Variants in APC observed in about 807,000 individuals in gnomAD.
APC encodes APC regulator of Wnt signaling pathway.
A neutral mutation model predicts 247.0 loss-of-function variants in APC; 72 were observed. The observed-to-expected ratio is 0.29, with a 90% CI of 0.24 to 0.35. APC has a LOEUF of 0.35. Among genes scored for constraint, APC ranks in the 10% least tolerant of loss-of-function variants. The pLI is 1.00. For synonymous variants in APC, 1,254 were observed against 1,162.5 expected (o/e 1.08, Z -1.60); for missense variants, 3,400 against 3,360.7 (o/e 1.01, Z -0.29).
rs2149630931 is a variant in APC at position 112,707,798 on chromosome 5, C to T, written c.81C>T (p.Thr27=). 2 of 1,370,636 alleles carry T rather than the reference C, an allele frequency of 1.5e-6. No homozygotes were observed. The highest frequency in any genetic ancestry group is 1.2e-5 in the South Asian group (1 of 81,728). 84.9% of individuals were successfully genotyped at this position (1,370,636 alleles called of 1,614,324 possible). A position where few individuals can be genotyped will look rare whatever the true frequency, so the allele number is the denominator to read the frequency against. ...CCTCAGTTCTCGGGTCCTGGAGCAC[C>T]GGCGGCAGCAGGAGCTGCGTCCGGC... The change falls in exon 1 of 14, where the codon ACC becomes ACT. Residue 27 remains threonine (T), a synonymous_variant. Coordinates refer to the APC transcript ENST00000507379.
intron 4 of APC, among the ~76,000 whole-genome samples, chr5:112,774,290 A>G (rs935050734): frequency 7.2e-5 from 11 of 152,138 alleles, no homozygotes; most frequent in Non-Finnish European, 5.9e-5. Context: ...CCAAAATCCT[A>G]AAGTTTTTGA....
At chr5:112,712,489 C>T (rs1750912769) in intron 1 of APC, among the ~76,000 whole-genome samples, 1 of 151,986 alleles carries the variant, frequency 6.6e-6, no homozygotes. Context: ...CAGGCTCAAG[C>T]AGTCCTCCCA....
At chr5:112,788,938 A>G (rs1214288790) in intron 6 of APC, among the ~76,000 whole-genome samples, 2 of 152,128 alleles carry the variant, frequency 1.3e-5, no homozygotes, top group Non-Finnish European at 1.5e-5. Flanking sequence ...AAGAACTCTA[A>G]TACATCTTTG....
Position 112,842,275 on chromosome 5 carries a change from C to A in APC, c.6681C>A (p.Gly2227=). The A allele has an allele frequency of 6.2e-7, 1 of 1,613,946 alleles. No individual in the cohort carries two copies. The highest frequency in any genetic ancestry group is 8.5e-7 in the Non-Finnish European group (1 of 1,179,904). The change falls in exon 16 of 16, where the codon GGC becomes GGA. Residue 2227 remains glycine (G), a synonymous_variant. Coordinates refer to ENST00000257430, the MANE Select transcript of APC (RefSeq NM_000038.6). ...CAAACATGCCTTCAATCTCTCGAGG[C>A]AGGACAATGATTCATATTCCAGGAG... ...LQANMPSISR[G]RTMIHIPGVR... is the part of the protein sequence containing the mutation.
intron 1 of APC, among the ~76,000 whole-genome samples, chr5:112,715,142 G>A (rs906912636): frequency 6.6e-6 from 1 of 152,166 alleles, no homozygotes; most frequent in African/African-American, 2.4e-5. Flanking sequence ...GTTTGAAAGC[G>A]TTACTGAATT....
At chr5:112,750,527 A>G (rs1250025448) in intron 1 of APC, among the ~76,000 whole-genome samples, 1 of 149,994 alleles carries the variant, frequency 6.7e-6, no homozygotes, top group Non-Finnish European at 1.5e-5. Flanking sequence ...TCATTTTTAC[A>G]TCAGCCTCAT....
At position 112,845,067 on chromosome 5, in the gene APC, T is replaced by G; in HGVS notation, c.*941T>G. ...AAAATGCCTCTTTTAAAAGCTTATA[T>G]AAATTTTTTTCTTCAGCTTCTATGC... On this transcript the variant is annotated 3_prime_UTR_variant, in exon 16 of 16. Transcript: ENST00000257430. 1 of 232,434 alleles carries G rather than the reference T, an allele frequency of 4.3e-6. No homozygotes were observed. The highest frequency in any genetic ancestry group is 8.5e-6 in the Non-Finnish European group (1 of 117,268). The allele number at this position is 232,434 out of a possible 1,614,324, so 14.4% of individuals were successfully genotyped here.
At position 112,711,827 on chromosome 5, in the gene APC, C is replaced by G. The variant is rs575695195; in HGVS notation, c.165+3945C>G. Reference sequence around the variant, plus strand: ...TGTCATGTCATCAGGGCTAAGCTCCCATTTATCTGCTGTTCTCTCAACATT... The same window carrying G: ...TGTCATGTCATCAGGGCTAAGCTCCGATTTATCTGCTGTTCTCTCAACATT... On this transcript the variant is annotated intron_variant, in intron 1 of 13. Coordinates refer to the APC transcript ENST00000507379. Among the ~76,000 whole-genome samples the G allele has an allele frequency of 1.2e-3, 187 of 152,306 alleles. 1 individual carries two copies. The Middle Eastern group carries it at 0.014, about 11-fold the overall frequency.
At chr5:112,790,911 C>G (rs550933785) in intron 6 of APC, among the ~76,000 whole-genome samples, 48 of 152,294 alleles carry the variant, frequency 3.2e-4, no homozygotes, top group Admixed American at 1.2e-3. Context: ...AACACACACA[C>G]ACCCCTTATT....
upstream of APC, chr5:112,737,883 T>A (rs751998391): frequency 1.4e-5 from 14 of 985,458 alleles, no homozygotes; most frequent in Admixed American, 1.2e-4. Flanking sequence ...CGCCAGGGTG[T>A]CACTGGAGAC....
intron 2 of APC, among the ~76,000 whole-genome samples, chr5:112,765,516 A>G (rs2149780950): frequency 6.6e-6 from 1 of 152,346 alleles, no homozygotes; most frequent in South Asian, 2.1e-4. Flanking sequence ...CTTTTCTTAT[A>G]GGGGAACGTT....
chr5:112,744,630 G>T (rs948156010), intron 1 of APC, among the ~76,000 whole-genome samples: 9 of 152,120 alleles, frequency 5.9e-5, no homozygotes, highest in Non-Finnish European at 4.4e-5. Context: ...AAAGGATGAG[G>T]ATATATTATA....
chr5:112,827,845 T>G, intron 12 of APC, 84 bp from the exon 13 acceptor site: 1 of 1,095,804 alleles, frequency 9.1e-7, no homozygotes, highest in Non-Finnish European at 1.4e-6. Context: ...TAATGAAAAC[T>G]GAATTAGACA....
chr5:112,756,779 T>C (rs1328891452), intron 2 of APC, among the ~76,000 whole-genome samples: 1 of 152,198 alleles, frequency 6.6e-6, no homozygotes, highest in Non-Finnish European at 1.5e-5. Flanking sequence ...ATTTCTACAG[T>C]GGAATATCTA....
chr5:112,775,778 A>G (rs1296866938), intron 5 of APC, 41 bp downstream of exon 5: 1 of 1,116,298 alleles, frequency 9.0e-7, no homozygotes, highest in Non-Finnish European at 1.3e-6. Flanking sequence ...AACTTTAATA[A>G]CTTGATATTT....
chr5:112,729,856 ATATT>A (rs1752004901), intron 1 of APC, among the ~76,000 whole-genome samples: 1 of 152,250 alleles, frequency 6.6e-6, no homozygotes, highest in Admixed American at 6.5e-5. Flanking sequence ...AATCTAATAT[ATATT>A]TAGTATCTTA....
chr5:112,753,418 A>G (rs1002816054), intron 1 of APC, among the ~76,000 whole-genome samples: 3 of 152,142 alleles, frequency 2.0e-5, no homozygotes, highest in Non-Finnish European at 2.9e-5. Context: ...TATTTTTAGC[A>G]TACCTTTTTT....
intron 3 of APC, among the ~76,000 whole-genome samples, chr5:112,766,985 A>C (rs1756406215): frequency 6.6e-6 from 1 of 152,322 alleles, no homozygotes; most frequent in East Asian, 1.9e-4. Flanking sequence ...CATTTTATCT[A>C]ATTTTCCTTT....
intron 1 of APC, among the ~76,000 whole-genome samples, chr5:112,710,598 T>C (rs989925812): frequency 1.3e-5 from 2 of 152,234 alleles, no homozygotes. Context: ...GTGTGTGTGC[T>C]GTTCAACTCT....
Sources: gnomAD v4.1 joint callset for allele counts (sites outside exome capture counted in the v4.1 genomes callset) on GRCh38, gnomAD v4.1.1 for gene constraint, MANE v1.5 for transcripts, NCBI Gene and HGNC (gene_info 2026-07-23, HGNC 2026-07-21) for gene names.